ETFA: variants seen among roughly 807,000 people sequenced by gnomAD.
The protein encoded by ETFA is electron transfer flavoprotein subunit alpha, mitochondrial.
A neutral mutation model predicts 46.2 loss-of-function variants in ETFA; 22 were observed. The observed-to-expected ratio is 0.48, with a 90% confidence interval of 0.34 to 0.68. ETFA has a LOEUF of 0.68. Among genes scored for constraint, ETFA ranks in the 30% least tolerant of loss-of-function variants. The probability of loss-of-function intolerance (pLI) is 0.01; values close to 1 mark genes in which losing one functional copy is unlikely to be tolerated. For synonymous variants in ETFA, 131 were observed against 139.9 expected (o/e 0.94, Z 0.45); for missense variants, 345 against 401.1 (o/e 0.86, Z 1.19).
chr15:76,295,777 T>C, intron 1 of ETFA, 40 bp from the exon 2 acceptor site: 2 of 1,553,720 alleles, frequency 1.3e-6, no homozygotes, highest in African/African-American at 1.4e-5. Flanking sequence ...TAAAGAATGT[T>C]GTCACAGGGT....
At chr15:76,264,260 C>T (rs747180890) in intron 9 of ETFA, among the ~76,000 whole-genome samples, 5 of 152,174 alleles carry the variant, frequency 3.3e-5, no homozygotes, top group African/African-American at 7.2e-5. Flanking sequence ...GTTCTCACTC[C>T]GTCCCAGTAC....
intron 4 of ETFA, among the ~76,000 whole-genome samples, chr15:76,290,846 G>A (rs1353126641): frequency 6.6e-6 from 1 of 152,156 alleles, no homozygotes; most frequent in East Asian, 1.9e-4. Context: ...TTGACACCTT[G>A]CTCTGCACAC....
At chr15:76,248,506 A>AAAT (rs2039265098) in intron 9 of ETFA, among the ~76,000 whole-genome samples, 1 of 152,222 alleles carries the variant, frequency 6.6e-6, no homozygotes, top group Admixed American at 6.5e-5. Context: ...AAGACACAAA[A>AAAT]AATACATATC....
At chr15:76,276,665 G>A (rs955107188) in intron 8 of ETFA, among the ~76,000 whole-genome samples, 1 of 150,990 alleles carries the variant, frequency 6.6e-6, no homozygotes, top group Non-Finnish European at 1.5e-5. Context: ...TTTTCTCTTC[G>A]CTTTTCAGTT....
At chr15:76,223,337 C>T (rs1389852427) in intron 11 of ETFA, among the ~76,000 whole-genome samples, 2 of 151,238 alleles carry the variant, frequency 1.3e-5, no homozygotes, top group Non-Finnish European at 2.9e-5. Context: ...TGTGCCCCAG[C>T]CTCTCAAGTA....
chr15:76,260,719 G>A (rs1392461624), intron 9 of ETFA: 2 of 1,605,650 alleles, frequency 1.2e-6, no homozygotes, highest in East Asian at 2.2e-5. Context: ...TGGATGGCAT[G>A]GAGGTTTTGG....
intron 9 of ETFA, among the ~76,000 whole-genome samples, chr15:76,250,634 G>A (rs983756262): frequency 3.3e-5 from 5 of 151,964 alleles, no homozygotes; most frequent in African/African-American, 1.2e-4. Context: ...CCTGGCTCAA[G>A]TGATCCTCCC....
At chr15:76,243,080 T>C (rs2039207658) in intron 9 of ETFA, among the ~76,000 whole-genome samples, 1 of 152,074 alleles carries the variant, frequency 6.6e-6, no homozygotes, top group Admixed American at 6.5e-5. Flanking sequence ...GTGGATCACT[T>C]CAGGCCAGGA....
intron 9 of ETFA, among the ~76,000 whole-genome samples, chr15:76,246,461 G>C (rs918975860): frequency 6.6e-6 from 1 of 152,196 alleles, no homozygotes; most frequent in Non-Finnish European, 1.5e-5. Context: ...AAACAATGGA[G>C]TAATTTCCTT....
intron 9 of ETFA, among the ~76,000 whole-genome samples, chr15:76,246,268 G>T (rs191508293): frequency 1.3e-5 from 2 of 152,274 alleles, no homozygotes; most frequent in African/African-American, 4.8e-5. Flanking sequence ...CTACAGAGGG[G>T]TTAAGTGATT....
At position 76,264,029 on chromosome 15, in the gene ETFA, A is replaced by G. The variant is rs2039445988; in HGVS notation, c.816+10383T>C. Reference sequence around the variant, plus strand: ...AATTGGTGGTGCTATACAAAATTCTATTCAAAAAGCTAGAGCTGAGGGAGA... The same window carrying G: ...AATTGGTGGTGCTATACAAAATTCTGTTCAAAAAGCTAGAGCTGAGGGAGA... On this transcript the variant is annotated intron_variant, in intron 9 of 11. Transcript: ENST00000557943. 2.6e-5 allele frequency among the ~76,000 whole-genome samples: 4 copies of G among 152,292 alleles called. No individual in the cohort carries two copies. In the South Asian group the frequency reaches 6.2e-4, roughly 24 times the overall value.
At chr15:76,305,480 A>G (rs549305169) in intron 1 of ETFA, among the ~76,000 whole-genome samples, 2 of 152,382 alleles carry the variant, frequency 1.3e-5, no homozygotes, top group African/African-American at 4.8e-5. Context: ...TCACTAAAAC[A>G]GACACACCAT....
At chr15:76,220,069 T>C (rs867080138) in intron 11 of ETFA, among the ~76,000 whole-genome samples, 1 of 152,106 alleles carries the variant, frequency 6.6e-6, no homozygotes, top group African/African-American at 2.4e-5. Context: ...TGGGTTTCTG[T>C]TTTTTGTTTT....
chr15:76,302,511 A>G (rs570333216), intron 1 of ETFA, among the ~76,000 whole-genome samples: 1 of 133,908 alleles, frequency 7.5e-6, no homozygotes, highest in African/African-American at 2.9e-5. Context: ...CAAAGCATAG[A>G]GGTTTTTTGT....
At chr15:76,227,515 C>CAAAAAAAAA (rs55873344) in intron 10 of ETFA, among the ~76,000 whole-genome samples, 2 of 80,330 alleles carry the variant, frequency 2.5e-5, no homozygotes, top group Non-Finnish European at 4.2e-5. Context: ...GACTCTGTCT[C>CAAAAAAAAA]AAAAAAAAAA....
chr15:76,293,860 T>C (rs1282135745), intron 2 of ETFA, among the ~76,000 whole-genome samples: 1 of 152,256 alleles, frequency 6.6e-6, no homozygotes, highest in African/African-American at 2.4e-5. Context: ...TGGATGCAGC[T>C]GCATTTAGCT....
In ETFA at chr15:76,216,598, C is replaced by G. The variant is rs757885420; in HGVS notation, c.964-1G>C. ...ATATCTCAGTCATTTCAGGAACTAC[C>G]TGCAAATAAAAACAAAAAGTAATTA... is the stretch of plus-strand genomic sequence containing the variant. On this transcript the variant is annotated splice_acceptor_variant, in intron 11 of 11. Coordinates refer to ENST00000557943, the MANE Select transcript of ETFA (RefSeq NM_000126.4). LOFTEE classifies it high-confidence loss of function. The G allele has an allele frequency of 4.4e-6, 7 of 1,584,884 alleles. No individual in the cohort carries two copies. In the South Asian group the frequency reaches 7.7e-5, roughly 18 times the overall value.
Position 76,215,412 on chromosome 15 carries a change from T to TA in ETFA, c.*1146dup, listed in dbSNP as rs887266862. ...GTGACACAAATCAGAAAGGGTTCAC[T>TA]AGTCAGCTGGGGAAGGGCCCCAGGC... On this transcript the variant is annotated 3_prime_UTR_variant, in exon 12 of 12. Coordinates refer to ENST00000557943, the MANE Select transcript of ETFA (RefSeq NM_000126.4). 1.9e-4 allele frequency: 29 copies of TA among 152,310 alleles called. No individual in the cohort carries two copies. The highest frequency in any genetic ancestry group is 6.7e-4 in the African/African-American group (28 of 41,572). 9.4% of individuals were successfully genotyped at this position (152,310 alleles called of 1,614,324 possible). A position where few individuals can be genotyped will look rare whatever the true frequency, so the allele number is the denominator to read the frequency against.
At chr15:76,218,774 C>T (rs979800033) in intron 11 of ETFA, among the ~76,000 whole-genome samples, 1 of 152,140 alleles carries the variant, frequency 6.6e-6, no homozygotes, top group African/African-American at 2.4e-5. Context: ...AAAAAGACAA[C>T]CTACTGATAT....
Sources: allele counts gnomAD v4.1 joint callset (sites outside exome capture counted in the v4.1 genomes callset), GRCh38; gene constraint gnomAD v4.1.1; transcripts MANE v1.5; gene names NCBI Gene and HGNC (gene_info 2026-07-23, HGNC 2026-07-21).